CADPS: variants seen among roughly 807,000 people sequenced by gnomAD.
The protein encoded by CADPS is calcium-dependent secretion activator 1.
A neutral mutation model predicts 167.3 loss-of-function variants in CADPS; 57 were observed. The observed-to-expected ratio is 0.34, with a 90% CI of 0.28 to 0.42. The LOEUF (loss-of-function observed/expected upper bound fraction) is 0.42, where lower values mean the gene tolerates loss of function less well. Among genes scored for constraint, CADPS ranks in the 20% least tolerant of loss-of-function variants. The probability of loss-of-function intolerance (pLI) is 1.00; values close to 1 mark genes in which losing one functional copy is unlikely to be tolerated. For missense variants in CADPS, 1,414 were observed against 1,738.1 expected (o/e 0.81, Z 3.32); for synonymous variants, 676 against 635.3 (o/e 1.06, Z -0.96).
At chr3:62,648,446 C>T (rs1439279535) in intron 5 of CADPS, among the ~76,000 whole-genome samples, 5 of 151,846 alleles carry the variant, frequency 3.3e-5, no homozygotes, top group African/African-American at 1.2e-4. Context: ...TTTTGGGGGG[C>T]TTAGGTGGAT....
intron 1 of CADPS, among the ~76,000 whole-genome samples, chr3:62,869,675 T>C (rs2082282557): frequency 6.6e-6 from 1 of 152,146 alleles, no homozygotes; most frequent in South Asian, 2.1e-4. Context: ...ATATATGTTA[T>C]CTTCCAAACT....
rs11710307 is a variant in CADPS, at chr3:62,782,643, A to C, written c.442-16659T>G. On this transcript the variant is annotated intron_variant, in intron 1 of 29. Transcript: ENST00000383710. ...AAAAGATGTACAGCATTGAAAGAGC[A>C]GAAATATTAGATTACATGGGGGCTA... is the stretch of plus-strand genomic sequence containing the variant. Among the ~76,000 whole-genome samples the C allele has an allele frequency of 4.8e-3, 731 of 152,364 alleles. 3 individuals carry two copies. Among genetic ancestry groups the C allele is most frequent in the Non-Finnish European group, 7.0e-3 (473 of 68,042 alleles).
intron 9 of CADPS, among the ~76,000 whole-genome samples, chr3:62,568,429 C>T (rs956559702): frequency 6.6e-6 from 1 of 152,248 alleles, no homozygotes; most frequent in South Asian, 2.1e-4. Flanking sequence ...CTTGCCGAGT[C>T]TTCAGGCTTT....
chr3:62,591,306 T>A (rs531250311), intron 7 of CADPS, among the ~76,000 whole-genome samples: 1 of 152,166 alleles, frequency 6.6e-6, no homozygotes, highest in East Asian at 1.9e-4. Flanking sequence ...CTTTCTCTCA[T>A]TGGTGATCAC....
At chr3:62,521,738 A>C (rs1304154591) in intron 13 of CADPS, among the ~76,000 whole-genome samples, 2 of 152,228 alleles carry the variant, frequency 1.3e-5, no homozygotes, top group Admixed American at 1.3e-4. Flanking sequence ...GCTTTTTAGC[A>C]TCCATTGCCA....
At chr3:62,425,820 AGGAAGCAATAATGTTT>A (rs1002652540) in intron 28 of CADPS, among the ~76,000 whole-genome samples, 122 of 152,320 alleles carry the variant, frequency 8.0e-4, no homozygotes, top group African/African-American at 2.9e-3. Context: ...ACACTCCCAA[AGGAAGCAATAATGTTT>A]CCTTGCTTAG....
chr3:62,741,747 C>T lies in CADPS; in HGVS notation c.888+11694G>A, dbSNP rs148713051. On this transcript the variant is annotated intron_variant, in intron 3 of 29. Transcript: ENST00000383710. ...GATGCCCTCTCTCGCCACTTCTATC[C>T]AACACTGTATCGGAAGTCTTGGCCA... 2.5e-3 allele frequency among the ~76,000 whole-genome samples: 374 copies of T among 152,190 alleles called. 3 individuals carry two copies. Among genetic ancestry groups the T allele is most frequent in the African/African-American group, 8.7e-3 (363 of 41,526 alleles).
At chr3:62,452,311 T>A (rs939557222) in intron 26 of CADPS, among the ~76,000 whole-genome samples, 2 of 152,148 alleles carry the variant, frequency 1.3e-5, no homozygotes, top group African/African-American at 4.8e-5. Flanking sequence ...GGTCTGACCC[T>A]ACACATGTGG....
intron 3 of CADPS, among the ~76,000 whole-genome samples, chr3:62,708,491 T>G (rs571831348): frequency 6.6e-6 from 1 of 151,820 alleles, no homozygotes; most frequent in East Asian, 1.9e-4. Flanking sequence ...CACCAAGAGG[T>G]TGGGTAACTT....
At chr3:62,589,293 G>T (rs2085391144) in intron 7 of CADPS, among the ~76,000 whole-genome samples, 1 of 152,182 alleles carries the variant, frequency 6.6e-6, no homozygotes, top group Non-Finnish European at 1.5e-5. Context: ...GCCAGCAGAG[G>T]GTGTCCAGCC....
chr3:62,532,987 G>T lies in CADPS; in HGVS notation c.2175C>A (p.His725Gln). 1 of 1,613,774 alleles carries T rather than the reference G, an allele frequency of 6.2e-7. No individual in the cohort carries two copies. The highest frequency in any genetic ancestry group is 8.5e-7 in the Non-Finnish European group (1 of 1,179,834). The change falls in exon 13 of 30, where the codon CAC becomes CAA. Residue 725 changes from histidine (H) to glutamine (Q), a missense_variant. His to Gln is a conservative substitution (Grantham distance 24). This residue lies in a region of CADPS where 529 missense variants were observed against 629.6 expected (regional missense o/e 0.84). Transcript: ENST00000383710. ...YCARNGVRGC[H>Q]RHLCYLRDLL... is the part of the protein sequence containing the mutation. ...AGTCTCTGAGGTAGCAGAGATGTCG[G>T]TGACACCCCCGGACTCCATTTCGGG...
intron 18 of CADPS, among the ~76,000 whole-genome samples, chr3:62,495,105 T>C (rs953994343): frequency 6.6e-6 from 1 of 152,228 alleles, no homozygotes; most frequent in Non-Finnish European, 1.5e-5. Context: ...AATAATCATT[T>C]AGATATTAAT....
At chr3:62,506,163 G>A (rs1289251055) in intron 17 of CADPS, among the ~76,000 whole-genome samples, 2 of 152,156 alleles carry the variant, frequency 1.3e-5, no homozygotes, top group African/African-American at 2.4e-5. Flanking sequence ...GCTGAGGCAG[G>A]AGGATCACGA....
chr3:62,629,334 T>C (rs368617053), intron 6 of CADPS, among the ~76,000 whole-genome samples: 3 of 152,296 alleles, frequency 2.0e-5, no homozygotes, highest in African/African-American at 7.2e-5. Flanking sequence ...TCTGCCTCCA[T>C]AGATTTGCAT....
intron 1 of CADPS, among the ~76,000 whole-genome samples, chr3:62,841,396 G>A (rs1482953156): frequency 1.3e-5 from 2 of 152,082 alleles, no homozygotes; most frequent in African/African-American, 4.8e-5. Flanking sequence ...ACTTATTTTG[G>A]CACTTGAGTC....
At chr3:62,863,799 A>G (rs2081230622) in intron 1 of CADPS, among the ~76,000 whole-genome samples, 1 of 152,224 alleles carries the variant, frequency 6.6e-6, no homozygotes, top group Admixed American at 6.5e-5. Context: ...TGAACAATAA[A>G]AGATTTTAAG....
At position 62,492,293 on chromosome 3, in the gene CADPS, C is replaced by T; in HGVS notation, c.2881G>A (p.Asp961Asn). The T allele has an allele frequency of 1.2e-6, 2 of 1,613,748 alleles. No individual in the cohort carries two copies. The highest frequency in any genetic ancestry group is 1.7e-6 in the Non-Finnish European group (2 of 1,179,796). Residue 961 changes from aspartate (D) to asparagine (N), a missense_variant, in exon 20 of 30, where the codon GAC becomes AAC. Asp to Asn is a conservative substitution (Grantham distance 23). Transcript: ENST00000383710. ...FQLLNDFLRT[D>N]YNLCNGKFHK... is the part of the protein sequence containing the mutation. ...AACAGTCAAAGGTAATACATACAGT[C>T]AGTACGGAGAAAATCATTCAGCAGC...
chr3:62,421,459 G>A lies in CADPS; in HGVS notation c.3777+16645C>T, dbSNP rs990615367. On this transcript the variant is annotated intron_variant, in intron 28 of 29. Transcript: ENST00000383710. The surrounding 1 kb of genome is among the most constrained non-coding windows in gnomAD (Gnocchi z 4.7). ...TTTTTGCTGACAGATGTACAAAGGC[G>A]GAACTGCGCCGTGCAGCTTATCCGC... Among the ~76,000 whole-genome samples, 1 of 152,176 alleles carries A rather than the reference G, an allele frequency of 6.6e-6. No homozygotes were observed. The highest frequency in any genetic ancestry group is 1.5e-5 in the Non-Finnish European group (1 of 68,036).
At chr3:62,575,101 C>G (rs2082024104) in intron 8 of CADPS, among the ~76,000 whole-genome samples, 2 of 152,184 alleles carry the variant, frequency 1.3e-5, no homozygotes, top group South Asian at 2.1e-4. Flanking sequence ...TTTCCCTTTA[C>G]TTTGCATCCA....
Sources: gnomAD v4.1 joint callset for allele counts (sites outside exome capture counted in the v4.1 genomes callset) on GRCh38, gnomAD v4.1.1 for gene constraint, gnomAD v4.1.1 regional missense constraint, Gnocchi (gnomAD v3.1) non-coding constraint, MANE v1.5 for transcripts, NCBI Gene and HGNC (gene_info 2026-07-23, HGNC 2026-07-21) for gene names.